The following ANKUB1 variants were observed in gnomAD, a reference collection of about 807,000 sequenced individuals.
ANKUB1 encodes the protein protein ANKUB1.
In ANKUB1, 42 loss-of-function variants were observed where a neutral mutation model predicts 49.3. The observed-to-expected ratio is 0.85, with a 90% CI of 0.67 to 1.10. The LOEUF (loss-of-function observed/expected upper bound fraction) is 1.10, where lower values mean the gene tolerates loss of function less well. ANKUB1 is among the 50% of genes least tolerant of loss of function. ANKUB1 has a pLI of 0.00. For missense variants in ANKUB1, 613 were observed against 642.0 expected, an observed-to-expected ratio of 0.95 and a Z score of 0.49; for synonymous variants, 222 against 231.0, an observed-to-expected ratio of 0.96 and a Z score of 0.35.
chr3:149,776,124 G>T (rs1717584587), intron 3 of ANKUB1, among the ~76,000 whole-genome samples: 1 of 152,044 alleles, frequency 6.6e-6, no homozygotes, highest in African/African-American at 2.4e-5. Flanking sequence ...TATTAAAGCT[G>T]CTCTCTCTAA....
rs182059983 is a variant in ANKUB1 at position 149,765,498 on chromosome 3, A to G, written c.1505+1659T>C. ...TCCTCCCCAAGAAAGCACTGTATAC[A>G]ACAACAGACACTGTCAGCTTTTCTT... is the stretch of plus-strand genomic sequence containing the variant. On this transcript the variant is annotated intron_variant, in intron 5 of 5. Transcript: ENST00000446160. 5.2e-3 allele frequency among the ~76,000 whole-genome samples: 796 copies of G among 152,216 alleles called. 4 individuals are homozygous for G. The highest frequency in any genetic ancestry group is 9.1e-3 in the Non-Finnish European group (618 of 67,992).
In ANKUB1 at chr3:149,764,765, A is replaced by C. The variant is rs1356392998; in HGVS notation, c.1505+2392T>G. 2.2e-4 allele frequency among the ~76,000 whole-genome samples: 32 copies of C among 146,710 alleles called. 1 individual carries two copies. The highest frequency in any genetic ancestry group is 2.1e-3 in the Admixed American group (31 of 14,536). ...TCTTTCCTCTCTCTCTTTCCTTCACAGAATAACACTTTAACAAAATGTTTT... is the reference window on the plus strand; with the variant it reads ...TCTTTCCTCTCTCTCTTTCCTTCACCGAATAACACTTTAACAAAATGTTTT... On this transcript the variant is annotated intron_variant, in intron 5 of 5. Transcript: ENST00000446160.
intron 2 of ANKUB1, among the ~76,000 whole-genome samples, chr3:149,781,464 T>G (rs2108276003): frequency 6.6e-6 from 1 of 152,334 alleles, no homozygotes; most frequent in African/African-American, 2.4e-5. Context: ...TGTTGTTGGG[T>G]TGGCAGATGT....
At chr3:149,789,634 T>TC in intron 2 of ANKUB1, among the ~76,000 whole-genome samples, 1 of 151,078 alleles carries the variant, frequency 6.6e-6, no homozygotes, top group African/African-American at 2.4e-5. Flanking sequence ...AATATTCTTT[T>TC]TTTTTTTTTT....
At chr3:149,766,995 C>T in intron 5 of ANKUB1, 162 bp downstream of exon 5, 1 of 995,388 alleles carries the variant, frequency 1.0e-6, no homozygotes. Flanking sequence ...TTCATTTTGT[C>T]CTAGTGATGA....
chr3:149,780,027 A>G (rs1717785202), intron 3 of ANKUB1: 3 of 565,908 alleles, frequency 5.3e-6, no homozygotes, highest in Non-Finnish European at 9.4e-6. Context: ...TAAGGCCAGG[A>G]GAGGGAGGGC....
intron 1 of ANKUB1, among the ~76,000 whole-genome samples, chr3:149,791,790 C>A (rs993706210): frequency 1.3e-5 from 2 of 152,156 alleles, no homozygotes; most frequent in African/African-American, 4.8e-5. Flanking sequence ...AGATAGTCAA[C>A]CTCTCAGAGC....
chr3:149,767,746 T>C lies in ANKUB1; in HGVS notation c.916A>G (p.Ile306Val). 6 of 1,551,592 alleles carry C rather than the reference T, an allele frequency of 3.9e-6. No individual in the cohort carries two copies. The highest frequency in any genetic ancestry group is 5.2e-6 in the Non-Finnish European group (6 of 1,146,930). Residue 306 changes from isoleucine to valine, a missense_variant, in exon 5 of 6, where the codon ATT becomes GTT. Ile to Val is a conservative substitution (Grantham distance 29). Coordinates refer to ENST00000446160, the MANE Select transcript of ANKUB1 (RefSeq NM_001144960.3). ...KMWSTVSFPK[I>V]SVPMRIYIKI... ...ATATAAATCCTCATTGGGACTGAAA[T>C]TTTTGGAAAAGAAACTGTGGACCAC...
chr3:149,778,128 T>C (rs527479379), intron 3 of ANKUB1, among the ~76,000 whole-genome samples: 3 of 152,266 alleles, frequency 2.0e-5, no homozygotes, highest in East Asian at 1.9e-4. Context: ...GGAATACTAG[T>C]TATGCTTTAG....
rs147918004 is a variant in ANKUB1 at position 149,775,534 on chromosome 3, C to T, written c.451+4705G>A. On this transcript the variant is annotated intron_variant, in intron 3 of 5. Coordinates refer to ENST00000446160, the MANE Select transcript of ANKUB1 (RefSeq NM_001144960.3). ...ATGAGCCTAAAGGTTAGTAAAAGGA[C>T]CCTGGAGCCAGCTCAGATTTCAGGA... Among the ~76,000 whole-genome samples the T allele has an allele frequency of 6.6e-3, 1,011 of 152,148 alleles. 5 individuals carry two copies. The highest frequency in any genetic ancestry group is 9.2e-3 in the Non-Finnish European group (625 of 67,992).
chr3:149,766,584 G>T, intron 5 of ANKUB1: 1 of 400,882 alleles, frequency 2.5e-6, no homozygotes, highest in Non-Finnish European at 4.7e-6. Context: ...AGGATCGCTT[G>T]AGCCCAGGAG....
chr3:149,790,352 T>C (rs1718306103), intron 2 of ANKUB1, among the ~76,000 whole-genome samples: 2 of 152,220 alleles, frequency 1.3e-5, no homozygotes, highest in African/African-American at 4.8e-5. Flanking sequence ...TGGCTGGATT[T>C]GGATGTAGAA....
At chr3:149,762,808 A>G (rs1327842406) in intron 5 of ANKUB1, among the ~76,000 whole-genome samples, 1 of 151,706 alleles carries the variant, frequency 6.6e-6, no homozygotes, top group Admixed American at 6.6e-5. Context: ...GTGTAGATGC[A>G]GTCTACTTTG....
Position 149,767,949 on chromosome 3 carries a change from T to A in ANKUB1, c.713A>T (p.Asp238Val). Residue 238 changes from aspartate to valine, a missense_variant, in exon 5 of 6, where the codon GAT becomes GTT. Coordinates refer to ENST00000446160, the MANE Select transcript of ANKUB1 (RefSeq NM_001144960.3). The part of the protein sequence containing the change: ...RAWCHEALHA[D>V]VSKCPIHAAA... ...TGCATGAATGGGGCATTTAGAGACA[T>A]CTGCATGAAGGGCTTCATGGCACCA... 6.5e-7 allele frequency: 1 copy of A among 1,547,264 alleles called. No homozygotes were observed. Among genetic ancestry groups the A allele is most frequent in the Non-Finnish European group, 8.7e-7 (1 of 1,143,318 alleles).
In ANKUB1 at chr3:149,780,472, G is replaced by T; in HGVS notation, c.235-17C>A. On this transcript the variant is annotated splice_polypyrimidine_tract_variant and intron_variant, in intron 2 of 5. Coordinates refer to ENST00000446160, the MANE Select transcript of ANKUB1 (RefSeq NM_001144960.3). Reference sequence around the variant, plus strand: ...GTCTTCTTCCTAAAGGGAAAGAAAAGGAGGGAACTTATTGTCTGGAGGTTC... The same window carrying T: ...GTCTTCTTCCTAAAGGGAAAGAAAATGAGGGAACTTATTGTCTGGAGGTTC... The T allele has an allele frequency of 6.5e-7, 1 of 1,539,956 alleles. No individual in the cohort carries two copies. Among genetic ancestry groups the T allele is most frequent in the Non-Finnish European group, 8.8e-7 (1 of 1,136,152 alleles).
chr3:149,772,362 A>C (rs1717405051), intron 3 of ANKUB1, among the ~76,000 whole-genome samples: 1 of 152,144 alleles, frequency 6.6e-6, no homozygotes, highest in African/African-American at 2.4e-5. Flanking sequence ...ACGGTTGCTT[A>C]GGCCTGACAG....
intron 3 of ANKUB1, among the ~76,000 whole-genome samples, chr3:149,772,717 T>C (rs375466875): frequency 7.9e-5 from 12 of 152,208 alleles, no homozygotes; most frequent in African/African-American, 2.9e-4. Context: ...ACTGCCACTG[T>C]GCCTGCTTTC....
chr3:149,766,817 A>AAGCAGCAGC (rs11268295), intron 5 of ANKUB1: 38,909 of 898,504 alleles, frequency 0.043, 2,995 homozygotes, highest in East Asian at 0.089. Context: ...GAAAAAAGAA[A>AAGCAGCAGC]AGCAGCAGCA....
At chr3:149,780,506 G>T in intron 2 of ANKUB1, 51 bp from the exon 3 acceptor site, 1 of 1,403,928 alleles carries the variant, frequency 7.1e-7, no homozygotes, top group Non-Finnish European at 9.9e-7. Flanking sequence ...TCAGATGAGG[G>T]CCAAGCATTT....
Sources: allele counts gnomAD v4.1 joint callset (sites outside exome capture counted in the v4.1 genomes callset), GRCh38; gene constraint gnomAD v4.1.1; transcripts MANE v1.5; gene names NCBI Gene and HGNC (gene_info 2026-07-23, HGNC 2026-07-21).